PPP1R1A: variants seen among roughly 807,000 people sequenced by gnomAD.
PPP1R1A encodes the protein protein phosphatase 1 regulatory inhibitor subunit 1A.
A neutral mutation model predicts 23.9 loss-of-function variants in PPP1R1A; 18 were observed. That is an observed-to-expected ratio of 0.75 (90% CI 0.52 to 1.12). PPP1R1A has a LOEUF of 1.12. Ranked by LOEUF, PPP1R1A falls within the 50% of genes most tolerant of loss-of-function variation. PPP1R1A has a pLI of 0.00. For missense variants in PPP1R1A, 207 were observed against 223.8 expected, an observed-to-expected ratio of 0.92 and a Z score of 0.48; for synonymous variants, 84 against 80.7, an observed-to-expected ratio of 1.04 and a Z score of -0.22.
At chr12:54,588,254 A>AGGGG in intron 1 of PPP1R1A, 151 bp downstream of exon 1, 2 of 250,534 alleles carry the variant, frequency 8.0e-6, no homozygotes, top group African/African-American at 2.6e-5. Context: ...AGGGGACAGA[A>AGGGG]GACCCCCCCC....
Position 54,582,808 on chromosome 12 carries a change from C to G in PPP1R1A, c.184-13G>C. 3.1e-6 allele frequency: 5 copies of G among 1,612,862 alleles called. No homozygotes were observed. Among genetic ancestry groups the G allele is most frequent in the South Asian group, 1.1e-5 (1 of 91,020 alleles). On this transcript the variant is annotated splice_polypyrimidine_tract_variant and intron_variant, in intron 3 of 6. Transcript: ENST00000257905. ...TTGCCAAAGTGGACTGTGAAGGGCA[C>G]AGAGCACAGATGGGCGCCAGCCCCC... is the stretch of plus-strand genomic sequence containing the variant.
intron 4 of PPP1R1A, 47 bp from the exon 5 acceptor site, chr12:54,582,178 C>T (rs375762011): frequency 3.5e-5 from 54 of 1,558,778 alleles, no homozygotes; most frequent in African/African-American, 1.5e-4. Context: ...GACTGCCTAG[C>T]GTCTCCCCTG....
In PPP1R1A at chr12:54,579,868, G is replaced by C. The variant is rs1463303145; in HGVS notation, c.*519C>G. The stretch of plus-strand genomic sequence containing the variant: ...CTCTTTCCCATGGGCCAAGTGCCAT[G>C]GTGCAGTTCCCCTTTTGTCCAGCAG... On this transcript the variant is annotated 3_prime_UTR_variant, in exon 7 of 7. Coordinates refer to ENST00000257905, the MANE Select transcript of PPP1R1A (RefSeq NM_006741.4). 6.1e-6 allele frequency: 6 copies of C among 985,938 alleles called. No individual in the cohort carries two copies. The highest frequency in any genetic ancestry group is 1.7e-5 in the African/African-American group (1 of 57,364). 61.1% of individuals were successfully genotyped at this position (985,938 alleles called of 1,614,324 possible). A position where few individuals can be genotyped will look rare whatever the true frequency, so the allele number is the denominator to read the frequency against.
chr12:54,582,679 C>G, intron 4 of PPP1R1A, 53 bp downstream of exon 4: 2 of 1,586,368 alleles, frequency 1.3e-6, no homozygotes, highest in Middle Eastern at 1.7e-4. Context: ...ATTCGGTCTC[C>G]TCTTCAGCTT....
chr12:54,584,787 C>T (rs779275949), intron 1 of PPP1R1A, among the ~76,000 whole-genome samples: 22 of 152,022 alleles, frequency 1.4e-4, no homozygotes, highest in Non-Finnish European at 1.8e-4. Context: ...CATCCCTGGG[C>T]TCCTCCCCCT....
In PPP1R1A at chr12:54,580,085, A is replaced by G. The variant is rs983848770; in HGVS notation, c.*302T>C. On this transcript the variant is annotated 3_prime_UTR_variant, in exon 7 of 7. Transcript: ENST00000257905. ...ATCTGACCCTCATCTCTCTTCCCACAGCAAGTAAAGTCAGGGCTAAGGGAA... is the reference window on the plus strand; with the variant it reads ...ATCTGACCCTCATCTCTCTTCCCACGGCAAGTAAAGTCAGGGCTAAGGGAA... The G allele has an allele frequency of 9.0e-7, 1 of 1,111,294 alleles. No individual in the cohort carries two copies. Among genetic ancestry groups the G allele is most frequent in the South Asian group, 3.3e-5 (1 of 30,714 alleles). 68.8% of individuals were successfully genotyped at this position (1,111,294 alleles called of 1,614,324 possible). A position where few individuals can be genotyped will look rare whatever the true frequency, so the allele number is the denominator to read the frequency against.
At chr12:54,582,290 G>A (rs1957862849) in intron 4 of PPP1R1A, among the ~76,000 whole-genome samples, 159 bp from the exon 5 acceptor site, 1 of 152,100 alleles carries the variant, frequency 6.6e-6, no homozygotes, top group Non-Finnish European at 1.5e-5. Context: ...GACATTAGCT[G>A]GCAATAAGGA....
rs1013547420 is a variant in PPP1R1A, at chr12:54,579,962, G to C, written c.*425C>G. 34 of 997,406 alleles carry C rather than the reference G, an allele frequency of 3.4e-5. No homozygotes were observed. The highest frequency in any genetic ancestry group is 3.9e-5 in the Non-Finnish European group (33 of 837,174). The allele number at this position is 997,406 out of a possible 1,614,324, so 61.8% of individuals were successfully genotyped here. On this transcript the variant is annotated 3_prime_UTR_variant, in exon 7 of 7. Coordinates refer to ENST00000257905, the MANE Select transcript of PPP1R1A (RefSeq NM_006741.4). ...TAGAGCGCCGAGTCTTCCAGCTGCA[G>C]GGCAGGCCTGTGAGGTGGTCGGATC...
chr12:54,580,536 C>G, intron 6 of PPP1R1A, 144 bp from the exon 7 acceptor site: 1 of 807,130 alleles, frequency 1.2e-6, no homozygotes. Context: ...TTCCTGTGTC[C>G]AGTCTATGCA....
In PPP1R1A at chr12:54,583,206, C is replaced by T; in HGVS notation, c.183+5G>A. ...GGCTGGGCTTAGTGGGATGGGCCAG[C>T]TCACCTTGAGATGTGGGTTGGGGAT... On this transcript the variant is annotated splice_donor_5th_base_variant and intron_variant, in intron 3 of 6. Transcript: ENST00000257905. The T allele has an allele frequency of 6.5e-7, 1 of 1,550,000 alleles. No homozygotes were observed. Among genetic ancestry groups the T allele is most frequent in the Non-Finnish European group, 8.7e-7 (1 of 1,153,404 alleles).
At position 54,581,122 on chromosome 12, in the gene PPP1R1A, C is replaced by T. The variant is rs1283118479; in HGVS notation, c.404-72G>A. 3 of 1,188,812 alleles carry T rather than the reference C, an allele frequency of 2.5e-6. No individual in the cohort carries two copies. The highest frequency in any genetic ancestry group is 3.0e-5 in the African/African-American group (2 of 66,676). The allele number at this position is 1,188,812 out of a possible 1,614,324, so 73.6% of individuals were successfully genotyped here. On this transcript the variant is annotated intron_variant, in intron 5 of 6. Coordinates refer to ENST00000257905, the MANE Select transcript of PPP1R1A (RefSeq NM_006741.4). The surrounding 1 kb of genome is among the most constrained non-coding windows in gnomAD (Gnocchi z 4.1). ...GGTGTTGGGGAGGGAACTGCTTCTC[C>T]TCACTGCACCCATACCCCAGTGGCC...
chr12:54,582,582 T>C lies in PPP1R1A; in HGVS notation c.247+150A>G, dbSNP rs1233652569. 5.6e-6 allele frequency: 5 copies of C among 900,458 alleles called. No individual in the cohort carries two copies. The South Asian group carries it at 7.4e-5, about 13-fold the overall frequency. The allele number at this position is 900,458 out of a possible 1,614,324, so 55.8% of individuals were successfully genotyped here. A position where few individuals can be genotyped will look rare whatever the true frequency, so the allele number is the denominator to read the frequency against. On this transcript the variant is annotated intron_variant, in intron 4 of 6. Transcript: ENST00000257905. ...TCTCCCAGATCACCCAGCTAGTCAG[T>C]GGCAAAACTGGGATTTCAGCCTCAG...
At chr12:54,587,725 T>C (rs900698398) in intron 1 of PPP1R1A, among the ~76,000 whole-genome samples, 2 of 152,084 alleles carry the variant, frequency 1.3e-5, no homozygotes, top group African/African-American at 4.8e-5. Context: ...GCTGGCTCAG[T>C]CCCACCTGGA....
Position 54,581,913 on chromosome 12 carries a change from A to G in PPP1R1A, c.403+63T>C. On this transcript the variant is annotated intron_variant, in intron 5 of 6. Coordinates refer to ENST00000257905, the MANE Select transcript of PPP1R1A (RefSeq NM_006741.4). The surrounding 1 kb of genome is among the most constrained non-coding windows in gnomAD (Gnocchi z 4.1). Reference sequence around the variant, plus strand: ...ACTCTTTCCCCTCCCCGCAGTGGGTAAGGCTTGCCTCCTGCTGGGCTGGGA... The same window carrying G: ...ACTCTTTCCCCTCCCCGCAGTGGGTGAGGCTTGCCTCCTGCTGGGCTGGGA... 7.1e-6 allele frequency: 11 copies of G among 1,543,674 alleles called. No homozygotes were observed. The highest frequency in any genetic ancestry group is 9.6e-6 in the Non-Finnish European group (11 of 1,143,878).
In PPP1R1A at chr12:54,579,306, CATG is replaced by C. The variant is rs1957826397; in HGVS notation, c.*1078_*1080del. ...CTTCACATACATACACTCTTTCCAG[CATG>C]ATAAAATCTGGGTGAGGCGTTCTCC... On this transcript the variant is annotated 3_prime_UTR_variant, in exon 7 of 7. Coordinates refer to ENST00000257905, the MANE Select transcript of PPP1R1A (RefSeq NM_006741.4). The C allele has an allele frequency of 6.1e-6, 6 of 982,910 alleles. No individual in the cohort carries two copies. The highest frequency in any genetic ancestry group is 7.2e-6 in the Non-Finnish European group (6 of 829,590). The allele number at this position is 982,910 out of a possible 1,614,324, so 60.9% of individuals were successfully genotyped here. A position where few individuals can be genotyped will look rare whatever the true frequency, so the allele number is the denominator to read the frequency against.
intron 1 of PPP1R1A, among the ~76,000 whole-genome samples, chr12:54,587,998 C>A (rs1957926827): frequency 6.6e-6 from 1 of 152,096 alleles, no homozygotes; most frequent in African/African-American, 2.4e-5. Context: ...TCCCCAGGCC[C>A]CTCCCGCACT....
chr12:54,583,093 G>T, intron 3 of PPP1R1A, 118 bp downstream of exon 3: 1 of 1,105,730 alleles, frequency 9.0e-7, no homozygotes, highest in Non-Finnish European at 1.3e-6. Flanking sequence ...GGGGGGTAGA[G>T]GTACAGGGAA....
chr12:54,585,079 C>T (rs1291919233), intron 1 of PPP1R1A, among the ~76,000 whole-genome samples: 2 of 152,208 alleles, frequency 1.3e-5, no homozygotes, highest in Non-Finnish European at 1.5e-5. Context: ...GAGAGAGCAT[C>T]CTTTTCAAGC....
At position 54,581,064 on chromosome 12, in the gene PPP1R1A, A is replaced by G; in HGVS notation, c.404-14T>C. The G allele has an allele frequency of 6.4e-7, 1 of 1,563,330 alleles. No homozygotes were observed. Among genetic ancestry groups the G allele is most frequent in the South Asian group, 1.1e-5 (1 of 89,936 alleles). ...ATTCTGCAGTTTCTGGGGAGGGAAC[A>G]TAGGGGTGGGAGGAAGAGGTGGCAT... On this transcript the variant is annotated splice_polypyrimidine_tract_variant and intron_variant, in intron 5 of 6. Coordinates refer to ENST00000257905, the MANE Select transcript of PPP1R1A (RefSeq NM_006741.4). This position sits in a 1 kb window ranked among gnomAD's most constrained non-coding sequence, Gnocchi z 4.1.
Sources: allele counts gnomAD v4.1 joint callset (sites outside exome capture counted in the v4.1 genomes callset), GRCh38; gene constraint gnomAD v4.1.1; non-coding constraint Gnocchi (gnomAD v3.1); transcripts MANE v1.5; gene names NCBI Gene and HGNC (gene_info 2026-07-23, HGNC 2026-07-21).